NDUFS6: variants seen among roughly 807,000 people sequenced by gnomAD.
The protein encoded by NDUFS6 is NADH:ubiquinone oxidoreductase subunit S6, also known as NADH dehydrogenase [ubiquinone] iron-sulfur protein 6, mitochondrial.
In NDUFS6, 14 loss-of-function variants were observed where a neutral mutation model predicts 13.2. The ratio of observed to expected loss-of-function variants is 1.06; its 90% CI spans 0.70 to 1.66. The LOEUF is 1.66. NDUFS6 is among the 40% of genes most tolerant of loss of function. The probability of loss-of-function intolerance (pLI) is 0.00; values close to 1 mark genes in which losing one functional copy is unlikely to be tolerated. For synonymous variants in NDUFS6, 95 were observed against 72.3 expected, an observed-to-expected ratio of 1.31 and a Z score of -1.60; for missense variants, 206 against 170.8, an observed-to-expected ratio of 1.21 and a Z score of -1.15.
At chr5:1,807,002 G>A (rs1402975934) in intron 2 of NDUFS6, among the ~76,000 whole-genome samples, 1 of 152,144 alleles carries the variant, frequency 6.6e-6, no homozygotes, top group South Asian at 2.1e-4. Flanking sequence ...CCACAACACG[G>A]ATAAGCCTGG....
intron 2 of NDUFS6, among the ~76,000 whole-genome samples, chr5:1,807,282 G>T (rs888945757): frequency 1.3e-5 from 2 of 151,944 alleles, no homozygotes; most frequent in Non-Finnish European, 2.9e-5. Flanking sequence ...TGCCGGGGGC[G>T]GGGGGTGAAT....
In NDUFS6 at chr5:1,815,893, CA is replaced by C; in HGVS notation, c.353del (p.Gln118ArgfsTer30). On this transcript the variant is annotated frameshift_variant, in exon 4 of 4. Transcript: ENST00000274137. LOFTEE classifies it high-confidence loss of function. ...KTGTCGYCGL[Q>X]FRQHHH ...CGGCACATGCGGTTACTGTGGGCTC[CA>C]GTTCAGACAGCACCACCACTAGAGC... 1 of 1,614,260 alleles carries C rather than the reference CA, an allele frequency of 6.2e-7. No individual in the cohort carries two copies. Among genetic ancestry groups the C allele is most frequent in the South Asian group, 1.1e-5 (1 of 91,092 alleles).
chr5:1,815,325 G>C (rs764843003), intron 3 of NDUFS6, among the ~76,000 whole-genome samples: 2 of 152,126 alleles, frequency 1.3e-5, no homozygotes, highest in Non-Finnish European at 2.9e-5. Flanking sequence ...GGACTCAGGC[G>C]GCTGCTGGGC....
chr5:1,815,039 A>C (rs530121738), intron 3 of NDUFS6, among the ~76,000 whole-genome samples: 24 of 152,200 alleles, frequency 1.6e-4, no homozygotes, highest in African/African-American at 5.1e-4. Flanking sequence ...CCCATCTCCA[A>C]ATACAGTCAC....
chr5:1,801,882 T>C (rs112601212), intron 1 of NDUFS6, among the ~76,000 whole-genome samples: 2 of 152,236 alleles, frequency 1.3e-5, no homozygotes, highest in African/African-American at 4.8e-5. Context: ...TAATATTCAA[T>C]AATAAATTTT....
At chr5:1,802,059 C>A in intron 1 of NDUFS6, 1 of 494,698 alleles carries the variant, frequency 2.0e-6, no homozygotes, top group Non-Finnish European at 3.6e-6. Context: ...TCTCCTCGGT[C>A]AGGATTTGTC....
intron 2 of NDUFS6, among the ~76,000 whole-genome samples, chr5:1,808,245 G>C (rs566093533): frequency 1.3e-5 from 2 of 152,176 alleles, no homozygotes; most frequent in African/African-American, 2.4e-5. Flanking sequence ...TTGAGACGCG[G>C]GCGGTGCGAT....
At chr5:1,813,866 T>G (rs1734260520) in intron 2 of NDUFS6, among the ~76,000 whole-genome samples, 1 of 152,202 alleles carries the variant, frequency 6.6e-6, no homozygotes, top group South Asian at 2.1e-4. Flanking sequence ...CTACTGGCAT[T>G]TTTGGCATTT....
rs1440917340 is a variant in NDUFS6 at position 1,804,772 on chromosome 5, A to G, written c.186+2398A>G. Among the ~76,000 whole-genome samples, 4 of 152,252 alleles carry G rather than the reference A, an allele frequency of 2.6e-5. No homozygotes were observed. The East Asian group carries it at 7.7e-4, about 29-fold the overall frequency. On this transcript the variant is annotated intron_variant, in intron 2 of 3. Transcript: ENST00000274137. Reference sequence around the variant, plus strand: ...AGCTCAGTTTCTGCTGTTTACTGCCATCTCTCATTAGTGTGCTGCCTGTGT... The same window carrying G: ...AGCTCAGTTTCTGCTGTTTACTGCCGTCTCTCATTAGTGTGCTGCCTGTGT...
rs538819873 is a variant in NDUFS6 at position 1,802,974 on chromosome 5, G to A, written c.186+600G>A. 2.0e-5 allele frequency among the ~76,000 whole-genome samples: 3 copies of A among 151,604 alleles called. No individual in the cohort carries two copies. The South Asian group carries it at 6.3e-4, about 32-fold the overall frequency. ...CTCATGTCAATGAGCTCCTGAATTC[G>A]TAATTAGATCAGGCATGCCTCCATG... On this transcript the variant is annotated intron_variant, in intron 2 of 3. Coordinates refer to ENST00000274137, the MANE Select transcript of NDUFS6 (RefSeq NM_004553.6).
intron 3 of NDUFS6, among the ~76,000 whole-genome samples, chr5:1,815,258 C>T (rs566405592): frequency 2.6e-5 from 4 of 152,104 alleles, no homozygotes; most frequent in South Asian, 2.1e-4. Context: ...GGGACTCGGG[C>T]GGCTGCTGAC....
chr5:1,814,580 C>G lies in NDUFS6; in HGVS notation c.309+119C>G, dbSNP rs778400024. On this transcript the variant is annotated intron_variant, in intron 3 of 3. Coordinates refer to ENST00000274137, the MANE Select transcript of NDUFS6 (RefSeq NM_004553.6). The surrounding 1 kb of genome is among the most constrained non-coding windows in gnomAD (Gnocchi z 4.9). ...CTACCTGCTCCCGAGGCGGCCCTTA[C>G]GGGGTTCACACTGCTGGCACATTCA... is the stretch of plus-strand genomic sequence containing the variant. 2 of 1,476,900 alleles carry G rather than the reference C, an allele frequency of 1.4e-6. No homozygotes were observed. The highest frequency in any genetic ancestry group is 2.8e-5 in the African/African-American group (2 of 71,958). The allele number at this position is 1,476,900 out of a possible 1,614,324, so 91.5% of individuals were successfully genotyped here.
intron 2 of NDUFS6, among the ~76,000 whole-genome samples, chr5:1,802,920 T>C (rs560537132): frequency 6.6e-6 from 1 of 151,872 alleles, no homozygotes; most frequent in South Asian, 2.1e-4. Context: ...CAGCCTATTT[T>C]TTTTTTTTAC....
At chr5:1,803,348 G>C (rs1288118468) in intron 2 of NDUFS6, among the ~76,000 whole-genome samples, 2 of 152,222 alleles carry the variant, frequency 1.3e-5, no homozygotes, top group Admixed American at 6.5e-5. Flanking sequence ...AATGCCACTT[G>C]AGTGTTGGGT....
Position 1,801,427 on chromosome 5 carries a change from G to A in NDUFS6, c.10G>A (p.Ala4Thr), listed in dbSNP as rs1734035481. MAA[A>T]MTFCRLLNRC... ...AGGCCAGCGGCGCAAAATGGCGGCG[G>A]CGATGACCTTCTGCCGGCTGCTGAA... Residue 4 changes from alanine to threonine, a missense_variant, in exon 1 of 4, where the codon GCG (alanine) becomes ACG (threonine). Coordinates refer to ENST00000274137, the MANE Select transcript of NDUFS6 (RefSeq NM_004553.6). The A allele has an allele frequency of 6.2e-7, 1 of 1,605,356 alleles. No individual in the cohort carries two copies. Among genetic ancestry groups the A allele is most frequent in the Non-Finnish European group, 8.5e-7 (1 of 1,178,370 alleles).
chr5:1,809,901 C>T (rs1046555182), intron 2 of NDUFS6, among the ~76,000 whole-genome samples: 7 of 152,274 alleles, frequency 4.6e-5, no homozygotes, highest in African/African-American at 1.4e-4. Context: ...CGGCGCCACA[C>T]GGCTCAGGCC....
intron 2 of NDUFS6, among the ~76,000 whole-genome samples, chr5:1,811,380 A>G (rs1214653908): frequency 6.6e-6 from 1 of 152,244 alleles, no homozygotes; most frequent in Non-Finnish European, 1.5e-5. Flanking sequence ...ATAACAAAAT[A>G]TATTAACATG....
rs770439431 is a variant in NDUFS6, at chr5:1,815,898, C to A, written c.357C>A (p.Phe119Leu). ...TGTCGYCGLQ[F>L]RQHHH ...CATGCGGTTACTGTGGGCTCCAGTTCAGACAGCACCACCACTAGAGCGTGT... is the reference window on the plus strand; with the variant it reads ...CATGCGGTTACTGTGGGCTCCAGTTAAGACAGCACCACCACTAGAGCGTGT... Residue 119 changes from phenylalanine to leucine, a missense_variant, in exon 4 of 4, where the codon TTC becomes TTA. Coordinates refer to ENST00000274137, the MANE Select transcript of NDUFS6 (RefSeq NM_004553.6). The A allele has an allele frequency of 1.4e-5, 22 of 1,614,120 alleles. No individual in the cohort carries two copies. The East Asian group carries it at 1.8e-4, about 13-fold the overall frequency.
chr5:1,804,166 C>T (rs1407237615), intron 2 of NDUFS6, among the ~76,000 whole-genome samples: 1 of 152,198 alleles, frequency 6.6e-6, no homozygotes, highest in Non-Finnish European at 1.5e-5. Flanking sequence ...GTAGGAGCCC[C>T]AGATTGAGCA....
Sources: gnomAD v4.1 joint callset for allele counts (sites outside exome capture counted in the v4.1 genomes callset) on GRCh38, gnomAD v4.1.1 for gene constraint, Gnocchi (gnomAD v3.1) non-coding constraint, MANE v1.5 for transcripts, NCBI Gene and HGNC (gene_info 2026-07-23, HGNC 2026-07-21) for gene names.